Variants in AHCYL2 observed in about 807,000 individuals in gnomAD.
AHCYL2 encodes adenosylhomocysteinase like 2.
Under a neutral mutation model 81.4 loss-of-function variants are expected in AHCYL2, and 28 were observed. The ratio of observed to expected loss-of-function variants is 0.34; its 90% CI spans 0.25 to 0.47. The LOEUF is 0.47. Among genes scored for constraint, AHCYL2 ranks in the 20% least tolerant of loss-of-function variants. The probability of loss-of-function intolerance (pLI) is 1.00; values close to 1 mark genes in which losing one functional copy is unlikely to be tolerated. For missense variants in AHCYL2, 551 were observed against 785.1 expected, an observed-to-expected ratio of 0.70 and a Z score of 3.56; for synonymous variants, 272 against 290.2, an observed-to-expected ratio of 0.94 and a Z score of 0.64.
chr7:129,290,756 C>G (rs1486535936), intron 1 of AHCYL2, among the ~76,000 whole-genome samples: 1 of 151,332 alleles, frequency 6.6e-6, no homozygotes, highest in Non-Finnish European at 1.5e-5. Context: ...TGGTGAAACC[C>G]CATCTCTACT....
At chr7:129,385,539 A>G (rs184864570) in intron 2 of AHCYL2, among the ~76,000 whole-genome samples, 40 of 152,328 alleles carry the variant, frequency 2.6e-4, no homozygotes, top group Admixed American at 2.0e-3. Context: ...ACAAGATAAC[A>G]TCCCATAGTA....
At chr7:129,281,152 C>T (rs1326151987) in intron 1 of AHCYL2, among the ~76,000 whole-genome samples, 1 of 152,104 alleles carries the variant, frequency 6.6e-6, no homozygotes, top group Non-Finnish European at 1.5e-5. Context: ...CATGAGCCAC[C>T]ACACCCGGCC....
intron 1 of AHCYL2, among the ~76,000 whole-genome samples, chr7:129,301,252 T>C (rs1797247489): frequency 6.6e-6 from 1 of 152,236 alleles, no homozygotes; most frequent in Non-Finnish European, 1.5e-5. Flanking sequence ...TTATATATTA[T>C]GGTTATTAAT....
chr7:129,343,707 T>C (rs1016742762), intron 1 of AHCYL2, among the ~76,000 whole-genome samples: 1 of 152,096 alleles, frequency 6.6e-6, no homozygotes, highest in African/African-American at 2.4e-5. Flanking sequence ...TCATAGACTA[T>C]AGAAAAAAAC....
intron 1 of AHCYL2, among the ~76,000 whole-genome samples, chr7:129,352,332 T>G (rs558170218): frequency 3.3e-4 from 51 of 152,324 alleles, no homozygotes; most frequent in African/African-American, 1.2e-3. Flanking sequence ...ATTAGAATTT[T>G]GGAAAACCCA....
intron 1 of AHCYL2, among the ~76,000 whole-genome samples, chr7:129,228,991 G>T (rs1479820766): frequency 6.6e-6 from 1 of 151,982 alleles, no homozygotes; most frequent in Non-Finnish European, 1.5e-5. Context: ...TGTTACAAGA[G>T]TACTGCTCTG....
chr7:129,357,967 A>C (rs1793795192), intron 1 of AHCYL2, among the ~76,000 whole-genome samples: 1 of 151,602 alleles, frequency 6.6e-6, no homozygotes, highest in Non-Finnish European at 1.5e-5. Flanking sequence ...GGCCTCAAAT[A>C]GATATTTGCA....
At chr7:129,318,295 A>G (rs569590946) in intron 1 of AHCYL2, among the ~76,000 whole-genome samples, 1 of 152,278 alleles carries the variant, frequency 6.6e-6, no homozygotes, top group South Asian at 2.1e-4. Context: ...AGGTCTTGCT[A>G]TGTTGCCATG....
At chr7:129,377,143 C>T (rs1794724062) in intron 1 of AHCYL2, among the ~76,000 whole-genome samples, 3 of 152,102 alleles carry the variant, frequency 2.0e-5, no homozygotes, top group Non-Finnish European at 1.5e-5. Flanking sequence ...CAGCTTCTCC[C>T]TTTATGAGCC....
intron 2 of AHCYL2, among the ~76,000 whole-genome samples, chr7:129,387,177 A>G (rs892293238): frequency 2.6e-5 from 4 of 152,242 alleles, no homozygotes; most frequent in African/African-American, 9.6e-5. Flanking sequence ...GCTCTAAATA[A>G]TTAATTTTGT....
intron 1 of AHCYL2, among the ~76,000 whole-genome samples, chr7:129,292,660 G>A (rs1796908134): frequency 6.6e-6 from 1 of 152,104 alleles, no homozygotes; most frequent in South Asian, 2.1e-4. Flanking sequence ...CCAGCTAGTT[G>A]GGAGGCTGAG....
At chr7:129,356,340 T>A (rs559710310) in intron 1 of AHCYL2, among the ~76,000 whole-genome samples, 1 of 152,338 alleles carries the variant, frequency 6.6e-6, no homozygotes, top group African/African-American at 2.4e-5. Context: ...TTAGAAACTT[T>A]CAGTGGCTGC....
chr7:129,274,080 A>C (rs1044913139), intron 1 of AHCYL2, among the ~76,000 whole-genome samples: 36 of 152,170 alleles, frequency 2.4e-4, no homozygotes, highest in African/African-American at 8.4e-4. Context: ...ACTTGGCTGT[A>C]ATAGAGGAAC....
rs143068378 is a variant in AHCYL2 at position 129,372,922 on chromosome 7, A to G, written c.364-6716A>G. On this transcript the variant is annotated intron_variant, in intron 1 of 16. Transcript: ENST00000325006. The stretch of plus-strand genomic sequence containing the variant: ...ACGTGCCTCCATGGTTATAGCCATG[A>G]TAGGATAGAATGGTTGGTTAAGTAG... Among the ~76,000 whole-genome samples the G allele has an allele frequency of 6.0e-3, 920 of 152,208 alleles. 7 individuals carry two copies. Among genetic ancestry groups the G allele is most frequent in the African/African-American group, 0.021 (866 of 41,528 alleles).
chr7:129,368,743 G>C lies in AHCYL2; in HGVS notation c.364-10895G>C, dbSNP rs1363449521. ...CTGTTTCTTAATTATCCACGAAGCT[G>C]GGAAAGGTGTGAGAGTTGCCTGGCC... On this transcript the variant is annotated intron_variant, in intron 1 of 16. Coordinates refer to ENST00000325006, the MANE Select transcript of AHCYL2 (RefSeq NM_015328.4). The surrounding 1 kb of genome is among the most constrained non-coding windows in gnomAD (Gnocchi z 4.4). Among the ~76,000 whole-genome samples, 2 of 152,130 alleles carry C rather than the reference G, an allele frequency of 1.3e-5. No homozygotes were observed. The highest frequency in any genetic ancestry group is 1.3e-4 in the Admixed American group (2 of 15,272).
At chr7:129,243,702 C>T (rs1794945774) in intron 1 of AHCYL2, among the ~76,000 whole-genome samples, 1 of 152,110 alleles carries the variant, frequency 6.6e-6, no homozygotes, top group African/African-American at 2.4e-5. Flanking sequence ...CTGCCTCAGC[C>T]TCCCGAGTAG....
At chr7:129,314,151 A>T (rs1797755670) in intron 1 of AHCYL2, among the ~76,000 whole-genome samples, 2 of 152,174 alleles carry the variant, frequency 1.3e-5, no homozygotes, top group Admixed American at 6.5e-5. Context: ...GTAGATAGGA[A>T]AATTCACCTT....
chr7:129,228,855 T>C (rs886076327), intron 1 of AHCYL2, among the ~76,000 whole-genome samples: 1 of 152,218 alleles, frequency 6.6e-6, no homozygotes, highest in Non-Finnish European at 1.5e-5. Flanking sequence ...AGAGAATGAG[T>C]TGAGCCATGT....
intron 1 of AHCYL2, among the ~76,000 whole-genome samples, chr7:129,358,188 T>C (rs1354642425): frequency 6.6e-6 from 1 of 151,862 alleles, no homozygotes; most frequent in East Asian, 1.9e-4. Context: ...GGTCAGGAGA[T>C]TGAGACCATC....
Sources: allele counts gnomAD v4.1 joint callset (sites outside exome capture counted in the v4.1 genomes callset), GRCh38; gene constraint gnomAD v4.1.1; non-coding constraint Gnocchi (gnomAD v3.1); transcripts MANE v1.5; gene names NCBI Gene and HGNC (gene_info 2026-07-23, HGNC 2026-07-21).